GPRIN3: variants seen among roughly 807,000 people sequenced by gnomAD.
GPRIN3 encodes the protein G protein-regulated inducer of neurite outgrowth 3.
Under a neutral mutation model 13.7 loss-of-function variants are expected in GPRIN3, and 12 were observed. The observed-to-expected ratio is 0.87, with a 90% CI of 0.56 to 1.42. GPRIN3 has a LOEUF of 1.42. Ranked by LOEUF, GPRIN3 falls within the 40% of genes most tolerant of loss-of-function variation. The pLI, the probability that GPRIN3 is intolerant of heterozygous loss-of-function variation, is 0.00. For missense variants in GPRIN3, 1,009 were observed against 958.7 expected (o/e 1.05, Z -0.69); for synonymous variants, 377 against 372.7 (o/e 1.01, Z -0.13).
chr4:89,305,376 C>G (rs1725007102), intron 1 of GPRIN3, among the ~76,000 whole-genome samples: 1 of 152,200 alleles, frequency 6.6e-6, no homozygotes, highest in Non-Finnish European at 1.5e-5. Context: ...CTGGCAGTGT[C>G]CCTCCCAAGT....
intron 1 of GPRIN3, among the ~76,000 whole-genome samples, chr4:89,253,425 A>T (rs1296237451): frequency 3.3e-5 from 5 of 152,244 alleles, no homozygotes; most frequent in Admixed American, 6.5e-5. Context: ...GATAACTAAA[A>T]CCAAGAACGC....
At chr4:89,254,853 CCTTCTTTTT>C (rs1159327547) in intron 1 of GPRIN3, among the ~76,000 whole-genome samples, 1 of 152,132 alleles carries the variant, frequency 6.6e-6, no homozygotes, top group Non-Finnish European at 1.5e-5. Flanking sequence ...CCTTTCTTTT[CCTTCTTTTT>C]CTTTTGAATT....
At chr4:89,278,029 T>C (rs988768933) in intron 1 of GPRIN3, among the ~76,000 whole-genome samples, 2 of 152,144 alleles carry the variant, frequency 1.3e-5, no homozygotes, top group African/African-American at 4.8e-5. Flanking sequence ...CAGTTAGCTA[T>C]TGCTGCAATA....
At chr4:89,252,604 A>AT (rs1723358954) in intron 1 of GPRIN3, among the ~76,000 whole-genome samples, 2 of 152,160 alleles carry the variant, frequency 1.3e-5, no homozygotes, top group Admixed American at 1.3e-4. Flanking sequence ...AAAATACATA[A>AT]TTTTATCCTT....
At chr4:89,303,753 TTATA>T (rs1399024775) in intron 1 of GPRIN3, among the ~76,000 whole-genome samples, 2 of 149,356 alleles carry the variant, frequency 1.3e-5, no homozygotes, top group Non-Finnish European at 3.0e-5. Flanking sequence ...ATGTATACCA[TTATA>T]TATATTTATA....
In GPRIN3 at chr4:89,248,457, T is replaced by C. The variant is rs1459216617; in HGVS notation, c.1654A>G (p.Thr552Ala). The C allele has an allele frequency of 6.2e-7, 1 of 1,613,358 alleles. No individual in the cohort carries two copies. The highest frequency in any genetic ancestry group is 8.5e-7 in the Non-Finnish European group (1 of 1,179,734). ...TTGGCATCCGAGGTATCAGTGCCAG[T>C]AGACTCTTTTTCTTTTACTACCTGA... ...SPQVVKEKES[T>A]GTDTSDAKTL... is the part of the protein sequence containing the mutation. The change falls in exon 2 of 2, where the codon ACT becomes GCT. Residue 552 changes from threonine (T) to alanine (A), a missense_variant. Thr to Ala is a moderately conservative substitution (Grantham distance 58, BLOSUM62 0). Transcript: ENST00000609438.
chr4:89,268,280 C>A (rs1332302879), intron 1 of GPRIN3, among the ~76,000 whole-genome samples: 1 of 152,044 alleles, frequency 6.6e-6, no homozygotes, highest in African/African-American at 2.4e-5. Flanking sequence ...AGTAAGAATA[C>A]AAAGAGAAAA....
chr4:89,275,807 T>C (rs1291291272), intron 1 of GPRIN3, among the ~76,000 whole-genome samples: 6 of 152,194 alleles, frequency 3.9e-5, no homozygotes, highest in African/African-American at 1.4e-4. Context: ...TACAATGCCG[T>C]CACGGTAATG....
chr4:89,241,542 T>G lies in GPRIN3; in HGVS notation c.*6238A>C, dbSNP rs1459915837. ...AATTGCTAGTATATATTTTTCTTAT[T>G]TTCAGGCTGTGTTGACCTTTTTCAA... On this transcript the variant is annotated 3_prime_UTR_variant, in exon 2 of 2. Transcript: ENST00000609438. The G allele has an allele frequency of 6.6e-6, 1 of 152,160 alleles. No homozygotes were observed. Among genetic ancestry groups the G allele is most frequent in the Admixed American group, 6.5e-5 (1 of 15,274 alleles). The allele number at this position is 152,160 out of a possible 1,614,324, so 9.4% of individuals were successfully genotyped here.
intron 1 of GPRIN3, among the ~76,000 whole-genome samples, chr4:89,272,233 T>C (rs1723973896): frequency 6.6e-6 from 1 of 152,122 alleles, no homozygotes; most frequent in African/African-American, 2.4e-5. Flanking sequence ...GGGGCCTGTA[T>C]CTTAGCGGGA....
At chr4:89,296,770 C>G (rs148176166) in intron 1 of GPRIN3, among the ~76,000 whole-genome samples, 16 of 152,074 alleles carry the variant, frequency 1.1e-4, no homozygotes, top group African/African-American at 3.1e-4. Flanking sequence ...ATATGTGTTA[C>G]CTGGTATTTT....
In GPRIN3 at chr4:89,240,755, C is replaced by A. The variant is rs764606317; in HGVS notation, c.*7025G>T. The A allele has an allele frequency of 6.6e-6, 1 of 152,104 alleles. No individual in the cohort carries two copies. Among genetic ancestry groups the A allele is most frequent in the Non-Finnish European group, 1.5e-5 (1 of 68,034 alleles). 9.4% of individuals were successfully genotyped at this position (152,104 alleles called of 1,614,324 possible). On this transcript the variant is annotated 3_prime_UTR_variant, in exon 2 of 2. Transcript: ENST00000609438. ...CAATAATAATATTTGTAAAACAGAG[C>A]AGTCATGGAAATATGCAACTTTCAA...
At chr4:89,259,203 A>G (rs1034014669) in intron 1 of GPRIN3, among the ~76,000 whole-genome samples, 9 of 152,308 alleles carry the variant, frequency 5.9e-5, no homozygotes, top group African/African-American at 2.2e-4. Context: ...AGGTGGGAGG[A>G]ATAGACTTTT....
At chr4:89,297,670 G>A (rs1724778333) in intron 1 of GPRIN3, among the ~76,000 whole-genome samples, 1 of 152,174 alleles carries the variant, frequency 6.6e-6, no homozygotes, top group Non-Finnish European at 1.5e-5. Context: ...TTGAAGCCCT[G>A]GAGAGGGAGA....
intron 1 of GPRIN3, among the ~76,000 whole-genome samples, chr4:89,284,997 A>G (rs1724361957): frequency 6.6e-6 from 1 of 152,148 alleles, no homozygotes; most frequent in Admixed American, 6.5e-5. Flanking sequence ...GGCCTTTTGC[A>G]TGTCTGACAC....
At chr4:89,250,265 A>G in intron 1 of GPRIN3, 32 bp from the exon 2 acceptor site, 1 of 1,403,224 alleles carries the variant, frequency 7.1e-7, no homozygotes, top group South Asian at 1.9e-5. Flanking sequence ...TCATTAATAC[A>G]GTACGTCGCT....
At position 89,249,300 on chromosome 4, in the gene GPRIN3, T is replaced by G. The variant is rs142220976; in HGVS notation, c.811A>C (p.Thr271Pro). The G allele has an allele frequency of 6.2e-7, 1 of 1,613,832 alleles. No individual in the cohort carries two copies. Residue 271 changes from threonine to proline, a missense_variant, in exon 2 of 2, where the codon ACT becomes CCT. Coordinates refer to ENST00000609438, the MANE Select transcript of GPRIN3 (RefSeq NM_198281.3). ...TSVTPQPTPLTSEPSACPPGP... is the reference protein window; with the variant it reads ...TSVTPQPTPLPSEPSACPPGP... ...GGGGGACATGCCGAAGGTTCGCTAG[T>G]GAGGGGGGTTGGTTGAGGTGTCACA...
chr4:89,282,897 T>G (rs1227209447), intron 1 of GPRIN3, among the ~76,000 whole-genome samples: 1 of 152,206 alleles, frequency 6.6e-6, no homozygotes, highest in Non-Finnish European at 1.5e-5. Context: ...AATAAAGATA[T>G]AATAACTTGG....
rs575256694 is a variant in GPRIN3 at position 89,274,610 on chromosome 4, G to C, written c.-123-24377C>G. Among the ~76,000 whole-genome samples, 23 of 152,290 alleles carry C rather than the reference G, an allele frequency of 1.5e-4. No homozygotes were observed. In the South Asian group the frequency reaches 4.8e-3, roughly 32 times the overall value. On this transcript the variant is annotated intron_variant, in intron 1 of 1. Coordinates refer to ENST00000609438, the MANE Select transcript of GPRIN3 (RefSeq NM_198281.3). ...AACACAGGGCAATGGGGAAAACACT[G>C]TTATTTAGAAGACACAGACTTGATT...
Sources: allele counts gnomAD v4.1 joint callset (sites outside exome capture counted in the v4.1 genomes callset), GRCh38; gene constraint gnomAD v4.1.1; transcripts MANE v1.5; gene names NCBI Gene and HGNC (gene_info 2026-07-23, HGNC 2026-07-21).